Variants in SLC24A2 observed in about 807,000 individuals in gnomAD.
SLC24A2 encodes sodium/potassium/calcium exchanger 2.
Under a neutral mutation model 62.0 loss-of-function variants are expected in SLC24A2, and 36 were observed. The observed-to-expected ratio is 0.58, with a 90% CI of 0.44 to 0.77. The LOEUF (loss-of-function observed/expected upper bound fraction) is 0.77. SLC24A2 is among the 30% of genes least tolerant of loss of function. The probability of loss-of-function intolerance (pLI) is 0.00; values close to 1 mark genes in which losing one functional copy is unlikely to be tolerated. For missense variants in SLC24A2, 846 were observed against 817.9 expected (o/e 1.03, Z -0.42); for synonymous variants, 358 against 294.0 (o/e 1.22, Z -2.23).
At chr9:20,073,412 C>T in the SLC24A2 span, among the ~76,000 whole-genome samples, 1 of 152,100 alleles carries the variant, frequency 6.6e-6, no homozygotes, top group South Asian at 2.1e-4. Flanking sequence ...ACCATAATTT[C>T]ATCTTCAAAA....
At chr9:19,556,223 T>A (rs537270947) in intron 7 of SLC24A2, among the ~76,000 whole-genome samples, 2 of 152,344 alleles carry the variant, frequency 1.3e-5, no homozygotes, top group East Asian at 3.9e-4. Flanking sequence ...TTAGCTTCTT[T>A]GCATGTACAT....
At chr9:19,785,792 C>T (rs1022860255) in intron 2 of SLC24A2, 145 bp downstream of exon 2, 36 of 1,039,488 alleles carry the variant, frequency 3.5e-5, no homozygotes, top group Non-Finnish European at 4.9e-5. Context: ...CTATGTTAGT[C>T]TAGCTATCAC....
chr9:20,189,950 A>G, the SLC24A2 span, among the ~76,000 whole-genome samples: 1 of 152,268 alleles, frequency 6.6e-6, no homozygotes, highest in East Asian at 1.9e-4. Context: ...GAGATGGGCT[A>G]TTCATTCAGA....
the SLC24A2 span, among the ~76,000 whole-genome samples, chr9:20,212,136 A>G: frequency 2.7e-4 from 41 of 151,970 alleles, no homozygotes; most frequent in Non-Finnish European, 5.1e-4. Flanking sequence ...AAGACACAAA[A>G]ATATTAAATG....
chr9:19,790,713 C>T (rs921004196), upstream of SLC24A2, among the ~76,000 whole-genome samples: 2 of 152,022 alleles, frequency 1.3e-5, no homozygotes, highest in Non-Finnish European at 2.9e-5. Flanking sequence ...TTTATTTTGC[C>T]TTTTCTATAC....
At chr9:19,837,025 CA>C in the SLC24A2 span, among the ~76,000 whole-genome samples, 3 of 152,150 alleles carry the variant, frequency 2.0e-5, no homozygotes, top group African/African-American at 7.2e-5. Context: ...CAAAATTCAA[CA>C]ACCCTTCATG....
chr9:19,617,485 G>A (rs971397124), intron 4 of SLC24A2, among the ~76,000 whole-genome samples: 8 of 152,120 alleles, frequency 5.3e-5, no homozygotes, highest in Admixed American at 2.0e-4. Context: ...ATTATATATA[G>A]ATACAAGTAC....
At chr9:20,238,176 C>G in the SLC24A2 span, among the ~76,000 whole-genome samples, 6 of 152,176 alleles carry the variant, frequency 3.9e-5, no homozygotes, top group African/African-American at 1.4e-4. Context: ...TGACACCTGC[C>G]AAGTACTTTG....
intron 5 of SLC24A2, among the ~76,000 whole-genome samples, chr9:19,592,813 A>G (rs1836597366): frequency 6.6e-6 from 1 of 152,232 alleles, no homozygotes; most frequent in South Asian, 2.1e-4. Flanking sequence ...GCTATGCATT[A>G]TTAACTTTAA....
At chr9:19,792,896 A>G (rs2118967171), upstream of SLC24A2, among the ~76,000 whole-genome samples, 1 of 152,316 alleles carries the variant, frequency 6.6e-6, no homozygotes, top group South Asian at 2.1e-4. Flanking sequence ...CAGCACACTT[A>G]TGAAGTATTC....
the SLC24A2 span, among the ~76,000 whole-genome samples, chr9:20,111,354 C>A: frequency 6.6e-6 from 1 of 152,196 alleles, no homozygotes; most frequent in Non-Finnish European, 1.5e-5. Flanking sequence ...CAGGTGTTAA[C>A]TGTTCTCTCT....
the SLC24A2 span, among the ~76,000 whole-genome samples, chr9:19,891,843 C>A: frequency 6.6e-6 from 1 of 152,170 alleles, no homozygotes; most frequent in South Asian, 2.1e-4. Flanking sequence ...TGGCACTAAA[C>A]CATGCATGAG....
At chr9:19,543,311 TTC>T (rs963707296) in intron 8 of SLC24A2, among the ~76,000 whole-genome samples, 2 of 152,168 alleles carry the variant, frequency 1.3e-5, no homozygotes, top group African/African-American at 2.4e-5. Context: ...CATTTGATTC[TTC>T]TCTCTTTTCT....
the SLC24A2 span, among the ~76,000 whole-genome samples, chr9:20,026,646 T>C: frequency 6.6e-6 from 1 of 152,132 alleles, no homozygotes; most frequent in Admixed American, 6.6e-5. Flanking sequence ...ATCAGACTTA[T>C]CTTATTCTTA....
the SLC24A2 span, among the ~76,000 whole-genome samples, chr9:20,204,980 C>T: frequency 6.6e-6 from 1 of 152,026 alleles, no homozygotes; most frequent in African/African-American, 2.4e-5. Context: ...CTCTTAACCT[C>T]ATGATCCACC....
At chr9:20,131,165 T>G in the SLC24A2 span, among the ~76,000 whole-genome samples, 2 of 152,050 alleles carry the variant, frequency 1.3e-5, no homozygotes, top group Admixed American at 1.3e-4. Context: ...ACGCGCCCTG[T>G]GCACACAAGG....
At chr9:20,116,406 T>C in the SLC24A2 span, among the ~76,000 whole-genome samples, 1 of 152,182 alleles carries the variant, frequency 6.6e-6, no homozygotes, top group African/African-American at 2.4e-5. Context: ...GGCATTCTGA[T>C]AGAGGGTGCC....
Position 19,612,131 on chromosome 9 carries a change from G to T in SLC24A2, c.1078+7453C>A, listed in dbSNP as rs557623430. Among the ~76,000 whole-genome samples, 4 of 152,230 alleles carry T rather than the reference G, an allele frequency of 2.6e-5. No individual in the cohort carries two copies. In the East Asian group the frequency reaches 7.7e-4, roughly 29 times the overall value. On this transcript the variant is annotated intron_variant, in intron 4 of 10. Coordinates refer to ENST00000341998, the MANE Select transcript of SLC24A2 (RefSeq NM_020344.4). Reference sequence around the variant, plus strand: ...AATTGAGTGAGATAATGTTTGCAAAGCACAGTACCTGGTACCTAGTAAGTG... The same window carrying T: ...AATTGAGTGAGATAATGTTTGCAAATCACAGTACCTGGTACCTAGTAAGTG...
the SLC24A2 span, among the ~76,000 whole-genome samples, chr9:20,156,163 A>T: frequency 1.8e-4 from 28 of 151,714 alleles, no homozygotes; most frequent in African/African-American, 6.8e-4. Context: ...TCTTACCACA[A>T]TGTTATGTTG....
Sources: gnomAD v4.1 joint callset for allele counts (sites outside exome capture counted in the v4.1 genomes callset) on GRCh38, gnomAD v4.1.1 for gene constraint, MANE v1.5 for transcripts, NCBI Gene and HGNC (gene_info 2026-07-23, HGNC 2026-07-21) for gene names.